The following DHX15 variants were observed in gnomAD, a reference collection of about 807,000 sequenced individuals.
DHX15 encodes the protein DEAH-box helicase 15.
In DHX15, 11 loss-of-function variants were observed where a neutral mutation model predicts 94.4. The ratio of observed to expected loss-of-function variants is 0.12; its 90% CI spans 0.07 to 0.19. The LOEUF is 0.19. DHX15 is among the 10% of genes least tolerant of loss of function. The pLI is 1.00. For missense variants in DHX15, 304 were observed against 988.5 expected, an observed-to-expected ratio of 0.31 and a Z score of 9.29; for synonymous variants, 338 against 329.9, an observed-to-expected ratio of 1.02 and a Z score of -0.27.
At chr4:24,536,921 T>A in intron 11 of DHX15, 130 bp downstream of exon 11, 15 of 1,111,704 alleles carry the variant, frequency 1.3e-5, no homozygotes, top group South Asian at 8.4e-5. Flanking sequence ...TCGTCAGGAG[T>A]TTTTCAAAAG....
At chr4:24,534,587 C>T (rs554657702) in intron 11 of DHX15, among the ~76,000 whole-genome samples, 1 of 152,158 alleles carries the variant, frequency 6.6e-6, no homozygotes, top group East Asian at 1.9e-4. Context: ...GTAAACCACC[C>T]CTAAGATCTA....
intron 6 of DHX15, among the ~76,000 whole-genome samples, chr4:24,543,327 T>C (rs527842036): frequency 1.3e-5 from 2 of 152,270 alleles, no homozygotes; most frequent in East Asian, 1.9e-4. Flanking sequence ...AGAAAAATAC[T>C]GATGAAGCAA....
At chr4:24,580,924 G>C (rs1406756861) in intron 1 of DHX15, 2 of 152,076 alleles carry the variant, frequency 1.3e-5, no homozygotes, top group Admixed American at 6.5e-5. Context: ...TTATAAAATA[G>C]CAACAAGTGG....
At chr4:24,545,718 T>C (rs1465660183) in intron 6 of DHX15, among the ~76,000 whole-genome samples, 1 of 152,204 alleles carries the variant, frequency 6.6e-6, no homozygotes, top group South Asian at 2.1e-4. Flanking sequence ...CATGTTCTAA[T>C]TGTAAATGGC....
chr4:24,556,489 A>G, intron 3 of DHX15, 79 bp from the exon 4 acceptor site: 4 of 1,185,094 alleles, frequency 3.4e-6, no homozygotes, highest in Non-Finnish European at 4.8e-6. Flanking sequence ...AATGAAATGC[A>G]AAGACATAAG....
intron 1 of DHX15, 79 bp downstream of exon 1, chr4:24,584,243 GC>G: frequency 7.0e-7 from 1 of 1,422,024 alleles, no homozygotes; most frequent in Non-Finnish European, 9.6e-7. Context: ...GACCCGCTCG[GC>G]CAGGCCAGCC....
intron 5 of DHX15, among the ~76,000 whole-genome samples, chr4:24,550,638 G>C (rs1289244508): frequency 6.6e-6 from 1 of 152,080 alleles, no homozygotes; most frequent in Non-Finnish European, 1.5e-5. Flanking sequence ...GGTCTCCAAA[G>C]GCCAGTAACA....
Position 24,576,501 on chromosome 4 carries a change from A to C in DHX15, c.249T>G (p.Ala83=). 1 of 1,614,160 alleles carries C rather than the reference A, an allele frequency of 6.2e-7. No homozygotes were observed. Among genetic ancestry groups the C allele is most frequent in the Non-Finnish European group, 8.5e-7 (1 of 1,180,024 alleles). ...TTGAATGTGCTGAGTGGGTTGAGTG[A>C]GCTGAATGGGAAGCTTTCAAAGGTG... ...GLPPLKASHS[A]HSTHSAHSTH... is the part of the protein sequence containing the mutation. The change falls in exon 2 of 14, where the codon GCT becomes GCG. Residue 83 remains alanine (A), a synonymous_variant. Coordinates refer to ENST00000336812, the MANE Select transcript of DHX15 (RefSeq NM_001358.3).
intron 1 of DHX15, among the ~76,000 whole-genome samples, chr4:24,579,002 T>TA (rs1167575261): frequency 6.6e-6 from 1 of 152,172 alleles, no homozygotes; most frequent in African/African-American, 2.4e-5. Flanking sequence ...ATACCTATAC[T>TA]AACAAAGATT....
At chr4:24,583,788 C>G (rs1722536006) in intron 1 of DHX15, among the ~76,000 whole-genome samples, 1 of 152,152 alleles carries the variant, frequency 6.6e-6, no homozygotes, top group South Asian at 2.1e-4. Context: ...CCCGCCACCC[C>G]CATCCCAGCC....
intron 2 of DHX15, among the ~76,000 whole-genome samples, chr4:24,571,921 G>A (rs1722130092): frequency 6.6e-6 from 1 of 152,110 alleles, no homozygotes; most frequent in Admixed American, 6.5e-5. Flanking sequence ...AACTAAAGAA[G>A]TAGTATCTAT....
chr4:24,576,923 C>T (rs1722280628), intron 1 of DHX15, among the ~76,000 whole-genome samples: 1 of 152,146 alleles, frequency 6.6e-6, no homozygotes, highest in African/African-American at 2.4e-5. Flanking sequence ...TGAGGTAACA[C>T]AAGAACTCAG....
intron 3 of DHX15, among the ~76,000 whole-genome samples, chr4:24,563,837 G>C (rs560672983): frequency 6.6e-6 from 1 of 152,142 alleles, no homozygotes; most frequent in African/African-American, 2.4e-5. Context: ...AGGCCGAGGT[G>C]GGTGGATCAC....
At chr4:24,538,452 A>C (rs1272412485) in intron 10 of DHX15, 1 of 152,148 alleles carries the variant, frequency 6.6e-6, no homozygotes, top group Non-Finnish European at 1.5e-5. Context: ...TTTTAATGTG[A>C]ACTAGCCACT....
rs1390282092 is a variant in DHX15 at position 24,549,011 on chromosome 4, T to C, written c.1092A>G (p.Glu364=). ...LFLTGQEEID[E]ACKRIKREVD... ...CTTCACGCTTTATTCTCTTACAGGC[T>C]TCATCAATTTCCTACAAAATAAAAG... The change falls in exon 6 of 14, where the codon GAA becomes GAG. Residue 364 remains glutamate (E), a synonymous_variant. Coordinates refer to ENST00000336812, the MANE Select transcript of DHX15 (RefSeq NM_001358.3). The C allele has an allele frequency of 6.2e-7, 1 of 1,605,330 alleles. No homozygotes were observed. The highest frequency in any genetic ancestry group is 1.7e-5 in the Admixed American group (1 of 57,758).
At chr4:24,552,028 G>C (rs887310553) in intron 5 of DHX15, among the ~76,000 whole-genome samples, 13 of 152,156 alleles carry the variant, frequency 8.5e-5, no homozygotes, top group African/African-American at 3.1e-4. Flanking sequence ...TAACACTTAA[G>C]TTTTTAGATA....
At chr4:24,582,628 T>C (rs1011104337) in intron 1 of DHX15, among the ~76,000 whole-genome samples, 8 of 152,238 alleles carry the variant, frequency 5.3e-5, no homozygotes, top group African/African-American at 1.7e-4. Flanking sequence ...TAAAATAGGC[T>C]GTAATGACTC....
chr4:24,565,319 A>C (rs1721968534), intron 3 of DHX15, among the ~76,000 whole-genome samples: 1 of 152,230 alleles, frequency 6.6e-6, no homozygotes, highest in Non-Finnish European at 1.5e-5. Flanking sequence ...ATAGAATTCT[A>C]CTTCTAGGGT....
chr4:24,560,099 G>A (rs1407442161), intron 3 of DHX15, among the ~76,000 whole-genome samples: 1 of 152,008 alleles, frequency 6.6e-6, no homozygotes, highest in Non-Finnish European at 1.5e-5. Context: ...ATAACTACAA[G>A]CCAACTGCCA....
Sources: allele counts gnomAD v4.1 joint callset (sites outside exome capture counted in the v4.1 genomes callset), GRCh38; gene constraint gnomAD v4.1.1; transcripts MANE v1.5; gene names NCBI Gene and HGNC (gene_info 2026-07-23, HGNC 2026-07-21).